Variants in VAV1 observed in about 807,000 individuals in gnomAD.
VAV1 encodes the protein proto-oncogene vav.
Under a neutral mutation model 128.1 loss-of-function variants are expected in VAV1, and 33 were observed. The observed-to-expected ratio is 0.26, with a 90% CI of 0.20 to 0.34. The LOEUF is 0.34. Ranked by LOEUF, VAV1 falls within the 10% of genes least tolerant of loss-of-function variation. VAV1 has a pLI of 1.00. For missense variants in VAV1, 715 were observed against 1,093.7 expected, an observed-to-expected ratio of 0.65 and a Z score of 4.88; for synonymous variants, 394 against 409.8, an observed-to-expected ratio of 0.96 and a Z score of 0.47.
chr19:6,837,134 C>G, intron 21 of VAV1, 84 bp downstream of exon 21: 1 of 1,445,720 alleles, frequency 6.9e-7, no homozygotes, highest in African/African-American at 1.4e-5. Context: ...AAAGACACCC[C>G]CGGAGTTGGG....
intron 24 of VAV1, among the ~76,000 whole-genome samples, chr19:6,852,288 T>C (rs1281677219): frequency 6.6e-6 from 1 of 152,190 alleles, no homozygotes; most frequent in Non-Finnish European, 1.5e-5. Flanking sequence ...GTGCTGAGAT[T>C]CCAGGCATGA....
intron 1 of VAV1, among the ~76,000 whole-genome samples, chr19:6,794,533 A>C (rs1971088214): frequency 6.6e-6 from 1 of 152,122 alleles, no homozygotes; most frequent in South Asian, 2.1e-4. Context: ...AAAGAGGATA[A>C]CCAGATGGGT....
intron 1 of VAV1, among the ~76,000 whole-genome samples, chr19:6,805,966 T>C (rs1971388209): frequency 6.6e-6 from 1 of 152,100 alleles, no homozygotes; most frequent in African/African-American, 2.4e-5. Flanking sequence ...TCTAACAAGG[T>C]CTGGTGTTCC....
At position 6,843,180 on chromosome 19, in the gene VAV1, T is replaced by C; in HGVS notation, c.2012+14T>C. The C allele has an allele frequency of 6.2e-7, 1 of 1,613,956 alleles. No individual in the cohort carries two copies. Among genetic ancestry groups the C allele is most frequent in the Non-Finnish European group, 8.5e-7 (1 of 1,179,934 alleles). On this transcript the variant is annotated intron_variant, in intron 22 of 26. Transcript: ENST00000602142. ...TGTTCATCTCTGGTGAGTAGAAACATTTATTTTTGTTTCAATGAGAGGTTT... is the reference window on the plus strand; with the variant it reads ...TGTTCATCTCTGGTGAGTAGAAACACTTATTTTTGTTTCAATGAGAGGTTT...
intron 14 of VAV1, among the ~76,000 whole-genome samples, chr19:6,830,370 C>G (rs966688734): frequency 6.6e-6 from 1 of 151,786 alleles, no homozygotes; most frequent in Admixed American, 6.6e-5. Context: ...AATTGAGCAC[C>G]TACTATATCC....
chr19:6,809,003 C>A (rs537561929), intron 1 of VAV1, among the ~76,000 whole-genome samples: 1 of 151,684 alleles, frequency 6.6e-6, no homozygotes, highest in Admixed American at 6.6e-5. Context: ...GGAGAAGTTG[C>A]AAAGCCTCTA....
At chr19:6,773,327 C>T (rs527714519) in intron 1 of VAV1, among the ~76,000 whole-genome samples, 84 of 152,220 alleles carry the variant, frequency 5.5e-4, no homozygotes, top group Non-Finnish European at 1.1e-3. Flanking sequence ...ATGGGACCAA[C>T]CAGAGGTCTC....
At position 6,857,104 on chromosome 19, in the gene VAV1, C is replaced by T. The variant is rs1196295597; in HGVS notation, c.2535C>T (p.Cys845=). The T allele has an allele frequency of 6.2e-7, 1 of 1,614,084 alleles. No individual in the cohort carries two copies. Among genetic ancestry groups the T allele is most frequent in the African/African-American group, 1.3e-5 (1 of 75,020 alleles). The change falls in exon 27 of 27, where the codon TGC becomes TGT. Residue 845 remains cysteine (C), a synonymous_variant. Transcript: ENST00000602142. ...TGGAGGAAGATTATTCTGAATACTG[C>T]TGAGCCCTGGTGCCTTGGCAGAGAG... ...NYVEEDYSEY[C]
At position 6,822,109 on chromosome 19, in the gene VAV1, C is replaced by A; in HGVS notation, c.450-112C>A. The stretch of plus-strand genomic sequence containing the variant: ...GAGGGACATGGCCTGCCCTTGGAGT[C>A]TGAGGTCCCACCCTTGGAGTCTTGG... On this transcript the variant is annotated intron_variant, in intron 4 of 26. Transcript: ENST00000602142. The surrounding 1 kb of genome is among the most constrained non-coding windows in gnomAD (Gnocchi z 5.9). The A allele has an allele frequency of 2.6e-6, 3 of 1,157,238 alleles. No individual in the cohort carries two copies. The highest frequency in any genetic ancestry group is 2.6e-5 in the East Asian group (1 of 38,960). 71.7% of individuals were successfully genotyped at this position (1,157,238 alleles called of 1,614,324 possible). A position where few individuals can be genotyped will look rare whatever the true frequency, so the allele number is the denominator to read the frequency against.
At chr19:6,855,026 G>C (rs1022639547) in intron 26 of VAV1, among the ~76,000 whole-genome samples, 1 of 152,136 alleles carries the variant, frequency 6.6e-6, no homozygotes, top group African/African-American at 2.4e-5. Flanking sequence ...CCGATTCCAA[G>C]GAGTGGAATA....
chr19:6,805,052 T>C (rs927981337), intron 1 of VAV1, among the ~76,000 whole-genome samples: 2 of 151,754 alleles, frequency 1.3e-5, no homozygotes, highest in Non-Finnish European at 2.9e-5. Context: ...TTTAATTACA[T>C]GTAGAGTAAG....
intron 1 of VAV1, among the ~76,000 whole-genome samples, chr19:6,813,229 A>G (rs1054619120): frequency 2.0e-5 from 3 of 152,174 alleles, no homozygotes; most frequent in African/African-American, 4.8e-5. Flanking sequence ...TGGAGGGTCT[A>G]CTTCCTGAGT....
Position 6,846,945 on chromosome 19 carries a change from G to A in VAV1, c.2013-1053G>A, listed in dbSNP as rs4807908. 2.0e-4 allele frequency among the ~76,000 whole-genome samples: 28 copies of A among 142,456 alleles called. No individual in the cohort carries two copies. The South Asian group carries it at 3.5e-3, about 18-fold the overall frequency. The allele number at this position is 142,456 out of a possible 152,430, so 93.5% of individuals were successfully genotyped here. On this transcript the variant is annotated intron_variant, in intron 22 of 26. Coordinates refer to ENST00000602142, the MANE Select transcript of VAV1 (RefSeq NM_005428.4). The stretch of plus-strand genomic sequence containing the variant: ...TTTTTTTTTTTGGAGACAGAGTTTC[G>A]CACTGTTGCCTGGGCTGGAGTGCAG...
At chr19:6,830,503 G>A (rs1347500598) in intron 14 of VAV1, among the ~76,000 whole-genome samples, 2 of 150,062 alleles carry the variant, frequency 1.3e-5, no homozygotes, top group African/African-American at 4.9e-5. Context: ...GCAGTGGCAC[G>A]GTCTTGGCTC....
intron 23 of VAV1, among the ~76,000 whole-genome samples, chr19:6,849,598 C>T (rs1176664990): frequency 6.6e-6 from 1 of 152,006 alleles, no homozygotes; most frequent in South Asian, 2.1e-4. Flanking sequence ...CAGGCGTGAG[C>T]CACTGTGCCT....
chr19:6,801,859 G>C (rs1971279033), intron 1 of VAV1, among the ~76,000 whole-genome samples: 1 of 152,128 alleles, frequency 6.6e-6, no homozygotes, highest in African/African-American at 2.4e-5. Flanking sequence ...GGGTTTTGTT[G>C]ATGGGAGGCT....
chr19:6,810,857 A>G (rs561873497), intron 1 of VAV1, among the ~76,000 whole-genome samples: 5 of 152,274 alleles, frequency 3.3e-5, no homozygotes, highest in Admixed American at 6.5e-5. Context: ...AATGATGTCA[A>G]TCTTGGACCT....
intron 14 of VAV1, among the ~76,000 whole-genome samples, chr19:6,830,628 C>A (rs970203125): frequency 6.6e-6 from 1 of 151,884 alleles, no homozygotes; most frequent in South Asian, 2.1e-4. Flanking sequence ...TTAGTAGAGA[C>A]GAGGTTTCAC....
In VAV1 at chr19:6,820,770, C is replaced by T. The variant is rs370716087; in HGVS notation, c.273C>T (p.Ser91=). The part of the protein sequence containing the change: ...TCCEKFGLKR[S]ELFEAFDLFD... The stretch of plus-strand genomic sequence containing the variant: ...GTGAGAAGTTCGGCCTCAAGCGGAG[C>T]GAGCTCTTCGAAGCCTTTGACCTCT... Residue 91 remains serine (S), a synonymous_variant, in exon 2 of 27, where the codon AGC becomes AGT. Transcript: ENST00000602142. This position sits in a 1 kb window ranked among gnomAD's most constrained non-coding sequence, Gnocchi z 4.4. 105 of 1,614,078 alleles carry T rather than the reference C, an allele frequency of 6.5e-5. No homozygotes were observed. Among genetic ancestry groups the T allele is most frequent in the African/African-American group, 2.4e-4 (18 of 74,932 alleles).
Sources: allele counts gnomAD v4.1 joint callset (sites outside exome capture counted in the v4.1 genomes callset), GRCh38; gene constraint gnomAD v4.1.1; non-coding constraint Gnocchi (gnomAD v3.1); transcripts MANE v1.5; gene names NCBI Gene and HGNC (gene_info 2026-07-23, HGNC 2026-07-21).